SHC3: variants seen among roughly 807,000 people sequenced by gnomAD.
The protein encoded by SHC3 is SHC adaptor protein 3, also known as SHC-transforming protein 3.
Under a neutral mutation model 60.4 loss-of-function variants are expected in SHC3, and 15 were observed. That is an observed-to-expected ratio of 0.25 (90% CI 0.17 to 0.38). The LOEUF (loss-of-function observed/expected upper bound fraction) is 0.38, where lower values mean the gene tolerates loss of function less well. Ranked by LOEUF, SHC3 falls within the 10% of genes least tolerant of loss-of-function variation. The pLI is 1.00. For synonymous variants in SHC3, 294 were observed against 325.9 expected (o/e 0.90, Z 1.05); for missense variants, 677 against 786.1 (o/e 0.86, Z 1.66).
chr9:89,176,502 T>A (rs1333030387), intron 1 of SHC3, among the ~76,000 whole-genome samples: 4 of 152,218 alleles, frequency 2.6e-5, no homozygotes, highest in Admixed American at 6.5e-5. Context: ...CTATTTGAAA[T>A]GTAGGCTTTT....
chr9:89,142,034 C>T (rs1826400834), intron 1 of SHC3, among the ~76,000 whole-genome samples: 1 of 152,108 alleles, frequency 6.6e-6, no homozygotes, highest in Non-Finnish European at 1.5e-5. Context: ...TCCCCATGTC[C>T]CTTCATCCTG....
chr9:89,053,369 T>C (rs569272669), intron 6 of SHC3, among the ~76,000 whole-genome samples: 1 of 152,264 alleles, frequency 6.6e-6, no homozygotes, highest in Admixed American at 6.5e-5. Context: ...GCCCTCCCTA[T>C]AGGAGAAGCC....
At position 89,027,327 on chromosome 9, in the gene SHC3, A is replaced by ATTTTTTTTTTTTTTTTT. The variant is rs540788767; in HGVS notation, c.1656+10665_1656+10666insAAAAAAAAAAAAAAAAA. On this transcript the variant is annotated intron_variant, in intron 11 of 11. Coordinates refer to ENST00000375835, the MANE Select transcript of SHC3 (RefSeq NM_016848.6). ...ACAACTAGTGATGGGTGAAATTCTG[A>ATTTTTTTTTTTTTTTTT]TTTTTTTTTTTTGAGACTGAGTCTC... Among the ~76,000 whole-genome samples the ATTTTTTTTTTTTTTTTT allele has an allele frequency of 1.5e-4, 19 of 130,378 alleles. 1 individual carries two copies. Among genetic ancestry groups the ATTTTTTTTTTTTTTTTT allele is most frequent in the South Asian group, 2.3e-4 (1 of 4,262 alleles). The allele number at this position is 130,378 out of a possible 152,430, so 85.5% of individuals were successfully genotyped here.
chr9:89,113,651 A>G (rs1054750145), intron 1 of SHC3, among the ~76,000 whole-genome samples: 2 of 152,144 alleles, frequency 1.3e-5, no homozygotes, highest in African/African-American at 4.8e-5. Context: ...CAATATCACT[A>G]TTGTCACTAA....
At position 89,013,536 on chromosome 9, in the gene SHC3, G is replaced by T; in HGVS notation, c.1696C>A (p.Leu566Ile). Reference sequence around the variant, plus strand: ...CTGCTTTCTAGGTGGTGGTTGATGAGGTGGCTGATACTGTCAAAGACTCTG... The same window carrying T: ...CTGCTTTCTAGGTGGTGGTTGATGATGTGGCTGATACTGTCAAAGACTCTG... Reference protein sequence around the residue: ...KDRVFDSISHLINHHLESSLP... With the variant: ...KDRVFDSISHIINHHLESSLP... The change falls in exon 12 of 12, where the codon CTC becomes ATC. Residue 566 changes from leucine (L) to isoleucine (I), a missense_variant. Leu to Ile is a conservative substitution (Grantham distance 5). Transcript: ENST00000375835. 1 of 1,614,034 alleles carries T rather than the reference G, an allele frequency of 6.2e-7. No individual in the cohort carries two copies.
intron 1 of SHC3, among the ~76,000 whole-genome samples, chr9:89,165,705 C>G (rs7027243): frequency 0.032 from 4,921 of 152,106 alleles, 247 homozygotes; most frequent in African/African-American, 0.11. Flanking sequence ...AGAGGATGAA[C>G]AGTGCAGTGA....
intron 7 of SHC3, among the ~76,000 whole-genome samples, chr9:89,051,694 C>T (rs576016190): frequency 7.2e-5 from 11 of 152,302 alleles, no homozygotes; most frequent in African/African-American, 2.2e-4. Flanking sequence ...CACACAGAAC[C>T]GGTGGTAACA....
At chr9:89,171,026 G>T (rs997692310) in intron 1 of SHC3, among the ~76,000 whole-genome samples, 2 of 152,092 alleles carry the variant, frequency 1.3e-5, no homozygotes, top group African/African-American at 4.8e-5. Context: ...TCCATCTTCC[G>T]GAGGGACAAT....
At chr9:89,167,618 C>A (rs1281377672) in intron 1 of SHC3, among the ~76,000 whole-genome samples, 2 of 152,210 alleles carry the variant, frequency 1.3e-5, no homozygotes, top group Non-Finnish European at 2.9e-5. Flanking sequence ...GAGGCATCAC[C>A]CTGCCTAGTT....
At chr9:89,064,255 A>C (rs934944357) in intron 6 of SHC3, among the ~76,000 whole-genome samples, 2 of 152,188 alleles carry the variant, frequency 1.3e-5, no homozygotes, top group African/African-American at 4.8e-5. Context: ...TCAGTCCATA[A>C]GAGGGCCCCT....
intron 1 of SHC3, among the ~76,000 whole-genome samples, chr9:89,141,485 GAGA>G (rs1426519431): frequency 1.3e-5 from 2 of 152,196 alleles, no homozygotes; most frequent in Non-Finnish European, 2.9e-5. Flanking sequence ...TTTGCACAGA[GAGA>G]GAGGCCAGAA....
At chr9:89,169,209 G>A (rs1181989700) in intron 1 of SHC3, among the ~76,000 whole-genome samples, 3 of 152,202 alleles carry the variant, frequency 2.0e-5, no homozygotes, top group Non-Finnish European at 2.9e-5. Flanking sequence ...AAGAGGCCCT[G>A]CCGGACACTG....
rs564009393 is a variant in SHC3 at position 89,168,012 on chromosome 9, C to A, written c.474+9975G>T. On this transcript the variant is annotated intron_variant, in intron 1 of 11. Transcript: ENST00000375835. ...GGCCCCCACACCCTGAGCCAGCTTG[C>A]GAACCACAGCCATGGGCCCTTGCCA... is the stretch of plus-strand genomic sequence containing the variant. Among the ~76,000 whole-genome samples, 9 of 152,342 alleles carry A rather than the reference C, an allele frequency of 5.9e-5. No individual in the cohort carries two copies. In the South Asian group the frequency reaches 1.7e-3, roughly 28 times the overall value.
chr9:89,098,864 C>T (rs914730148), intron 2 of SHC3, among the ~76,000 whole-genome samples: 2 of 151,352 alleles, frequency 1.3e-5, no homozygotes, highest in African/African-American at 4.9e-5. Context: ...CTCAGCTACT[C>T]GGGAGGCTGA....
intron 1 of SHC3, among the ~76,000 whole-genome samples, chr9:89,132,243 C>A (rs574856945): frequency 6.6e-6 from 1 of 152,262 alleles, no homozygotes; most frequent in East Asian, 1.9e-4. Context: ...CAAACCACTG[C>A]TCATCGAAAT....
chr9:89,050,432 T>C (rs966395849), intron 7 of SHC3, among the ~76,000 whole-genome samples: 1 of 152,134 alleles, frequency 6.6e-6, no homozygotes, highest in Non-Finnish European at 1.5e-5. Flanking sequence ...ACTACAGACA[T>C]GCATCACCAT....
rs1444851258 is a variant in SHC3 at position 89,013,033 on chromosome 9, C to T, written c.*414G>A. On this transcript the variant is annotated 3_prime_UTR_variant, in exon 12 of 12. Coordinates refer to ENST00000375835, the MANE Select transcript of SHC3 (RefSeq NM_016848.6). The stretch of plus-strand genomic sequence containing the variant: ...CTCACAATTCTGTGTTTCTATTCCC[C>T]TCCAGTTGTGCTTATTAGGTAAAAC... The T allele has an allele frequency of 2.6e-5, 4 of 152,670 alleles. No individual in the cohort carries two copies. Among genetic ancestry groups the T allele is most frequent in the Non-Finnish European group, 5.8e-5 (4 of 68,496 alleles). 9.5% of individuals were successfully genotyped at this position (152,670 alleles called of 1,614,324 possible).
At chr9:89,071,833 G>A (rs376025739) in intron 4 of SHC3, among the ~76,000 whole-genome samples, 2 of 152,174 alleles carry the variant, frequency 1.3e-5, no homozygotes, top group Admixed American at 1.3e-4. Flanking sequence ...AACAGACACC[G>A]TCTTGCTGTC....
intron 1 of SHC3, among the ~76,000 whole-genome samples, chr9:89,120,256 A>C (rs1826074202): frequency 6.6e-6 from 1 of 152,252 alleles, no homozygotes; most frequent in Non-Finnish European, 1.5e-5. Context: ...TTTGTAAAAC[A>C]AAACAAATGA....
Sources: allele counts gnomAD v4.1 joint callset (sites outside exome capture counted in the v4.1 genomes callset), GRCh38; gene constraint gnomAD v4.1.1; transcripts MANE v1.5; gene names NCBI Gene and HGNC (gene_info 2026-07-23, HGNC 2026-07-21).